NADK: variants seen among roughly 807,000 people sequenced by gnomAD.
The protein encoded by NADK is NAD kinase, also known as poly(P)/ATP NAD kinase.
NADK carries 22 observed loss-of-function variants against 49.8 expected under a neutral mutation model. The observed-to-expected ratio is 0.44, with a 90% CI of 0.32 to 0.63. NADK has a LOEUF of 0.63. Among genes scored for constraint, NADK ranks in the 30% least tolerant of loss-of-function variants. NADK has a pLI of 0.06. For missense variants in NADK, 438 were observed against 609.4 expected, an observed-to-expected ratio of 0.72 and a Z score of 2.96; for synonymous variants, 268 against 253.7, an observed-to-expected ratio of 1.06 and a Z score of -0.54.
Position 1,754,268 on chromosome 1 carries a change from G to A in NADK, c.943+16C>T, listed in dbSNP as rs894307268. ...GAGGGACGCTCAGGGCCCCAGGACA[G>A]TGCTGCGGGCCTTACCGTCGCCCTG... On this transcript the variant is annotated intron_variant, in intron 9 of 11. Transcript: ENST00000341426. The surrounding 1 kb of genome is among the most constrained non-coding windows in gnomAD (Gnocchi z 4.3). 2 of 1,613,554 alleles carry A rather than the reference G, an allele frequency of 1.2e-6. No individual in the cohort carries two copies. The highest frequency in any genetic ancestry group is 8.5e-7 in the Non-Finnish European group (1 of 1,179,894).
chr1:1,762,662 CAAG>C (rs1645762217), intron 2 of NADK, among the ~76,000 whole-genome samples: 1 of 152,098 alleles, frequency 6.6e-6, no homozygotes, highest in Non-Finnish European at 1.5e-5. Context: ...GAGGCTGAGG[CAAG>C]AGAACTGCTT....
chr1:1,762,094 GAC>G, intron 2 of NADK, 59 bp from the exon 3 acceptor site: 1 of 1,434,830 alleles, frequency 7.0e-7, no homozygotes, highest in African/African-American at 1.4e-5. Flanking sequence ...TGCAGTGACA[GAC>G]ACAGATACAG....
At chr1:1,770,065 G>A (rs1193353221) in intron 1 of NADK, among the ~76,000 whole-genome samples, 3 of 152,070 alleles carry the variant, frequency 2.0e-5, no homozygotes, top group Admixed American at 1.3e-4. Context: ...TATGCAGGAG[G>A]CTGAGGAAGG....
In NADK at chr1:1,756,582, C is replaced by T. The variant is rs755479577; in HGVS notation, c.420G>A (p.Lys140=). ...MEENMIVYVE[K]KVLEDPAIAS... ...CGATGGCAGGGTCTTCTAGCACTTT[C>T]TTTTCCACATACACGATCATGTTCT... The change falls in exon 5 of 12, where the codon AAG becomes AAA. Residue 140 remains lysine (K), a synonymous_variant. Coordinates refer to ENST00000341426, the MANE Select transcript of NADK (RefSeq NM_023018.5). The T allele has an allele frequency of 6.2e-7, 1 of 1,614,134 alleles. No homozygotes were observed. Among genetic ancestry groups the T allele is most frequent in the Non-Finnish European group, 8.5e-7 (1 of 1,180,040 alleles).
At chr1:1,761,240 C>T (rs1227834237) in intron 3 of NADK, among the ~76,000 whole-genome samples, 1 of 152,212 alleles carries the variant, frequency 6.6e-6, no homozygotes, top group Non-Finnish European at 1.5e-5. Context: ...ATCCGCCCCC[C>T]TTGGCCTCCC....
At chr1:1,761,446 A>G (rs1645722770) in intron 3 of NADK, among the ~76,000 whole-genome samples, 1 of 152,218 alleles carries the variant, frequency 6.6e-6, no homozygotes, top group Non-Finnish European at 1.5e-5. Flanking sequence ...TTCTTTACAC[A>G]TAAAACACAG....
At chr1:1,761,598 GCC>G in intron 3 of NADK, 1 of 230,758 alleles carries the variant, frequency 4.3e-6, no homozygotes, top group African/African-American at 2.2e-5. Flanking sequence ...CAAAAAGGCA[GCC>G]CTGAGGATCT....
intron 3 of NADK, among the ~76,000 whole-genome samples, chr1:1,757,877 C>T (rs540607157): frequency 6.6e-6 from 1 of 152,252 alleles, no homozygotes; most frequent in South Asian, 2.1e-4. Flanking sequence ...CACTCACTCT[C>T]ACAGTAAAAA....
intron 3 of NADK, chr1:1,758,509 T>A (rs2100304389): frequency 6.2e-7 from 1 of 1,609,908 alleles, no homozygotes; most frequent in Non-Finnish European, 8.5e-7. Context: ...AGGCCACGCT[T>A]GGCGAACACG....
At chr1:1,765,905 C>A (rs1319395987) in intron 1 of NADK, among the ~76,000 whole-genome samples, 5 of 151,540 alleles carry the variant, frequency 3.3e-5, no homozygotes, top group Non-Finnish European at 5.9e-5. Flanking sequence ...AGTGAAACTT[C>A]ATCTCAAAAT....
At chr1:1,763,896 G>T (rs887418872) in intron 2 of NADK, among the ~76,000 whole-genome samples, 1 of 151,944 alleles carries the variant, frequency 6.6e-6, no homozygotes, top group Non-Finnish European at 1.5e-5. Flanking sequence ...TTATGCCAAA[G>T]AACCCACAGG....
At chr1:1,767,434 G>A (rs1181248007) in intron 1 of NADK, among the ~76,000 whole-genome samples, 1 of 152,094 alleles carries the variant, frequency 6.6e-6, no homozygotes, top group Non-Finnish European at 1.5e-5. Context: ...ACAGCCCATG[G>A]GAAACCATGA....
chr1:1,776,464 AC>A (rs1646212950), intron 1 of NADK, among the ~76,000 whole-genome samples: 1 of 60,178 alleles, frequency 1.7e-5, no homozygotes, highest in Non-Finnish European at 6.1e-5. Flanking sequence ...TTCAAATGAA[AC>A]AAACAAACAA....
chr1:1,756,434 T>G lies in NADK; in HGVS notation c.499+69A>C. The G allele has an allele frequency of 1.9e-6, 3 of 1,611,180 alleles. No individual in the cohort carries two copies. The East Asian group carries it at 6.7e-5, about 36-fold the overall frequency. On this transcript the variant is annotated intron_variant, in intron 5 of 11. Transcript: ENST00000341426. ...CAGACACCAATGACAAGGGCAACAGTGCCAGAAGCTTCCAATGGGGCGGGG... is the reference window on the plus strand; with the variant it reads ...CAGACACCAATGACAAGGGCAACAGGGCCAGAAGCTTCCAATGGGGCGGGG...
intron 1 of NADK, among the ~76,000 whole-genome samples, chr1:1,777,387 C>G (rs1258100892): frequency 6.6e-6 from 1 of 151,750 alleles, no homozygotes; most frequent in Non-Finnish European, 1.5e-5. Flanking sequence ...AAGATGACAT[C>G]AGGAGGAAAA....
At chr1:1,770,197 GA>G (rs200372940) in intron 1 of NADK, among the ~76,000 whole-genome samples, 1 of 148,070 alleles carries the variant, frequency 6.8e-6, no homozygotes, top group East Asian at 2.0e-4. Context: ...AAGAAAAAAA[GA>G]AAAAAAAACC....
At position 1,765,291 on chromosome 1, in the gene NADK, C is replaced by G; in HGVS notation, c.116G>C (p.Arg39Pro). 1 of 1,613,192 alleles carries G rather than the reference C, an allele frequency of 6.2e-7. No individual in the cohort carries two copies. The highest frequency in any genetic ancestry group is 8.5e-7 in the Non-Finnish European group (1 of 1,179,640). The change falls in exon 2 of 12, where the codon CGG (arginine) becomes CCG (proline). Residue 39 changes from arginine to proline, a missense_variant. Physicochemically the swap from Arg to Pro is moderately radical, Grantham distance 103. Transcript: ENST00000341426. ...DETWSYNHPI[R>P]GRAKSRSLSA... The stretch of plus-strand genomic sequence containing the variant: ...CAGGCTGCGAGACTTGGCCCGGCCC[C>G]GGATGGGGTGGTTGTAACTCCAGGT...
At chr1:1,766,771 A>T (rs1313596129) in intron 1 of NADK, among the ~76,000 whole-genome samples, 3 of 150,980 alleles carry the variant, frequency 2.0e-5, no homozygotes, top group Non-Finnish European at 4.4e-5. Flanking sequence ...CGTCCAGCTA[A>T]TTTTTTTTCC....
At chr1:1,760,045 G>A (rs931921603) in intron 3 of NADK, 55 of 877,072 alleles carry the variant, frequency 6.3e-5, no homozygotes, top group Middle Eastern at 3.3e-4. Context: ...GGTCACCCAC[G>A]TGGCTGCTGT....
Sources: allele counts gnomAD v4.1 joint callset (sites outside exome capture counted in the v4.1 genomes callset), GRCh38; gene constraint gnomAD v4.1.1; non-coding constraint Gnocchi (gnomAD v3.1); transcripts MANE v1.5; gene names NCBI Gene and HGNC (gene_info 2026-07-23, HGNC 2026-07-21).